The following RNF6 variants were observed in gnomAD, a reference collection of about 807,000 sequenced individuals.
The protein encoded by RNF6 is E3 ubiquitin-protein ligase RNF6.
Under a neutral mutation model 50.1 loss-of-function variants are expected in RNF6, and 21 were observed. That is an observed-to-expected ratio of 0.42 (90% CI 0.30 to 0.60). The LOEUF is 0.60. Ranked by LOEUF, RNF6 falls within the 20% of genes least tolerant of loss-of-function variation. The pLI, the probability that RNF6 is intolerant of heterozygous loss-of-function variation, is 0.20. For synonymous variants in RNF6, 255 were observed against 291.8 expected, an observed-to-expected ratio of 0.87 and a Z score of 1.29; for missense variants, 698 against 838.2, an observed-to-expected ratio of 0.83 and a Z score of 2.07.
At chr13:26,158,025 T>A (rs1269358537) in intron 5 of RNF6, among the ~76,000 whole-genome samples, 1 of 151,798 alleles carries the variant, frequency 6.6e-6, no homozygotes, top group Non-Finnish European at 1.5e-5. Context: ...GATAAATAGA[T>A]GAATAGATGG....
chr13:26,140,195 C>T (rs1270336975), intron 5 of RNF6, among the ~76,000 whole-genome samples: 2 of 152,056 alleles, frequency 1.3e-5, no homozygotes, highest in Admixed American at 1.3e-4. Flanking sequence ...TTTTCTATTG[C>T]TTATATGCTA....
chr13:26,137,330 G>A (rs1282559401), intron 5 of RNF6, among the ~76,000 whole-genome samples: 1 of 151,916 alleles, frequency 6.6e-6, no homozygotes, highest in African/African-American at 2.4e-5. Context: ...AAATTAGAAT[G>A]AGCAGCAACA....
Position 26,213,661 on chromosome 13 carries a change from TAA to T in RNF6, c.*161_*162del. Reference sequence around the variant, plus strand: ...TAACATTTGTATTTTAAATTTTATATAAATTTCTTTTTAACAAGTTTAAAAAA... The same window carrying T: ...TAACATTTGTATTTTAAATTTTATATATTTCTTTTTAACAAGTTTAAAAAA... On this transcript the variant is annotated 3_prime_UTR_variant, in exon 5 of 5. Transcript: ENST00000381588. 1 of 472,912 alleles carries T rather than the reference TAA, an allele frequency of 2.1e-6. No individual in the cohort carries two copies. Among genetic ancestry groups the T allele is most frequent in the Non-Finnish European group, 3.6e-6 (1 of 276,974 alleles). 29.3% of individuals were successfully genotyped at this position (472,912 alleles called of 1,614,324 possible).
chr13:26,184,012 A>G (rs1352485304), intron 5 of RNF6, among the ~76,000 whole-genome samples: 1 of 30,608 alleles, frequency 3.3e-5, no homozygotes, highest in East Asian at 6.9e-4. Flanking sequence ...ATATATATAT[A>G]TATATATTTT....
intron 5 of RNF6, among the ~76,000 whole-genome samples, chr13:26,191,705 C>G (rs1246233482): frequency 1.3e-5 from 2 of 152,162 alleles, no homozygotes; most frequent in Non-Finnish European, 2.9e-5. Context: ...GCCTCCCCAG[C>G]CATGCAGAAC....
chr13:26,205,948 C>T (rs1010563284), intron 5 of RNF6, among the ~76,000 whole-genome samples: 1 of 152,170 alleles, frequency 6.6e-6, no homozygotes, highest in African/African-American at 2.4e-5. Context: ...GAGGTTGAGG[C>T]TACAGTGAGC....
chr13:26,186,708 C>A (rs1299909101), intron 5 of RNF6, among the ~76,000 whole-genome samples: 1 of 152,206 alleles, frequency 6.6e-6, no homozygotes, highest in Non-Finnish European at 1.5e-5. Flanking sequence ...TGCTGACCGT[C>A]GATCCCGGGG....
At chr13:26,220,457 A>C (rs1486709285) in intron 2 of RNF6, among the ~76,000 whole-genome samples, 5 of 152,196 alleles carry the variant, frequency 3.3e-5, no homozygotes, top group Non-Finnish European at 5.9e-5. Context: ...CACTCCTGAG[A>C]AGCTCACTTT....
At chr13:26,161,975 C>A (rs1008259120) in intron 5 of RNF6, among the ~76,000 whole-genome samples, 1 of 152,126 alleles carries the variant, frequency 6.6e-6, no homozygotes, top group Non-Finnish European at 1.5e-5. Flanking sequence ...CAATTTAAAC[C>A]TTTTGTCTAA....
At chr13:26,155,683 C>T (rs1871882968) in intron 5 of RNF6, among the ~76,000 whole-genome samples, 1 of 152,170 alleles carries the variant, frequency 6.6e-6, no homozygotes, top group African/African-American at 2.4e-5. Context: ...AACTGTTGCT[C>T]CCACTCTGGT....
At chr13:26,168,178 C>T (rs1289606553) in intron 5 of RNF6, among the ~76,000 whole-genome samples, 1 of 152,184 alleles carries the variant, frequency 6.6e-6, no homozygotes. Context: ...CAAACCTGCA[C>T]ATGTACCTAT....
intron 5 of RNF6, among the ~76,000 whole-genome samples, chr13:26,182,889 G>GA (rs576849745): frequency 2.0e-5 from 3 of 152,114 alleles, no homozygotes; most frequent in Non-Finnish European, 4.4e-5. Context: ...TAACAGATTT[G>GA]AAAAAAGAAT....
At position 26,215,525 on chromosome 13, in the gene RNF6, G is replaced by A. The variant is rs748994203; in HGVS notation, c.357C>T (p.Arg119=). The A allele has an allele frequency of 2.5e-6, 4 of 1,613,166 alleles. No individual in the cohort carries two copies. Among genetic ancestry groups the A allele is most frequent in the Non-Finnish European group, 2.5e-6 (3 of 1,180,010 alleles). Residue 119 remains arginine (R), a synonymous_variant, in exon 5 of 5, where the codon CGC becomes CGT. Coordinates refer to ENST00000381588, the MANE Select transcript of RNF6 (RefSeq NM_005977.4). Reference sequence around the variant, plus strand: ...GTCCACTTCGAGTTGCATTTCCTGTGCGCCGAAAGGTGTTCAACCATTCTA... The same window carrying A: ...GTCCACTTCGAGTTGCATTTCCTGTACGCCGAAAGGTGTTCAACCATTCTA... ...SLLEWLNTFR[R]TGNATRSGQN...
chr13:26,141,715 T>C (rs1160265208), intron 5 of RNF6, among the ~76,000 whole-genome samples: 1 of 152,078 alleles, frequency 6.6e-6, no homozygotes, highest in Non-Finnish European at 1.5e-5. Context: ...CCTCTCACCA[T>C]ATACAAAAAT....
chr13:26,190,780 G>C (rs1418147585), intron 5 of RNF6, among the ~76,000 whole-genome samples: 1 of 152,170 alleles, frequency 6.6e-6, no homozygotes, highest in Non-Finnish European at 1.5e-5. Flanking sequence ...AGCCAGACAA[G>C]GTTTACTACT....
chr13:26,222,772 C>G (rs1273853164), upstream of RNF6: 1 of 152,368 alleles, frequency 6.6e-6, no homozygotes, highest in East Asian at 1.9e-4. Context: ...GAACTACAGG[C>G]GCTTGCCATT....
intron 5 of RNF6, among the ~76,000 whole-genome samples, chr13:26,183,139 A>T (rs574442798): frequency 6.6e-6 from 1 of 152,238 alleles, no homozygotes; most frequent in Non-Finnish European, 1.5e-5. Flanking sequence ...TCAAAAAGAC[A>T]TGCTGTTCTA....
chr13:26,133,847 T>C (rs932066819), intron 5 of RNF6, among the ~76,000 whole-genome samples: 2 of 152,224 alleles, frequency 1.3e-5, no homozygotes, highest in African/African-American at 4.8e-5. Flanking sequence ...TTGACATCAA[T>C]TGACTGTATT....
rs759336255 is a variant in RNF6, at chr13:26,214,168, G to C, written c.1714C>G (p.Arg572Gly). 24 of 1,614,010 alleles carry C rather than the reference G, an allele frequency of 1.5e-5. No homozygotes were observed. Among genetic ancestry groups the C allele is most frequent in the Non-Finnish European group, 1.5e-5 (18 of 1,180,030 alleles). Residue 572 changes from arginine to glycine, a missense_variant, in exon 5 of 5, where the codon CGA (arginine) becomes GGA (glycine). Coordinates refer to ENST00000381588, the MANE Select transcript of RNF6 (RefSeq NM_005977.4). ...NSDSRGGRQLRNPNNLVETGT... is the reference protein window; with the variant it reads ...NSDSRGGRQLGNPNNLVETGT... ...GTTTCAACTAAATTGTTTGGATTTC[G>C]CAACTGCCTGCCACCCCTACTGTCA...
Sources: gnomAD v4.1 joint callset for allele counts (sites outside exome capture counted in the v4.1 genomes callset) on GRCh38, gnomAD v4.1.1 for gene constraint, MANE v1.5 for transcripts, NCBI Gene and HGNC (gene_info 2026-07-23, HGNC 2026-07-21) for gene names.